IL1R1: variants seen among roughly 807,000 people sequenced by gnomAD.
IL1R1 encodes interleukin 1 receptor type 1.
IL1R1 carries 22 observed loss-of-function variants against 50.2 expected under a neutral mutation model. The observed-to-expected ratio is 0.44, with a 90% CI of 0.31 to 0.63. The LOEUF (loss-of-function observed/expected upper bound fraction) is 0.63, where lower values mean the gene tolerates loss of function less well. IL1R1 is among the 20% of genes least tolerant of loss of function. IL1R1 has a pLI of 0.07. For synonymous variants in IL1R1, 251 were observed against 236.7 expected, an observed-to-expected ratio of 1.06 and a Z score of -0.55; for missense variants, 509 against 676.2, an observed-to-expected ratio of 0.75 and a Z score of 2.74.
intron 1 of IL1R1, among the ~76,000 whole-genome samples, chr2:102,106,972 G>A (rs72817897): frequency 9.2e-5 from 14 of 152,082 alleles, no homozygotes; most frequent in Non-Finnish European, 1.0e-4. Context: ...TGATGCAAAG[G>A]TTATCTCAAC....
chr2:102,081,622 A>G (rs1426552389), intron 1 of IL1R1, among the ~76,000 whole-genome samples: 1 of 152,230 alleles, frequency 6.6e-6, no homozygotes, highest in Non-Finnish European at 1.5e-5. Flanking sequence ...GCTTCCTGAC[A>G]AAGAAAAGGG....
chr2:102,076,673 G>T (rs1019512714), intron 1 of IL1R1, among the ~76,000 whole-genome samples: 1 of 152,056 alleles, frequency 6.6e-6, no homozygotes, highest in Non-Finnish European at 1.5e-5. Context: ...TGAGAAATCT[G>T]CTGTCATTCT....
rs35407722 is a variant in IL1R1, at chr2:102,078,562, T to TCACACACA, written c.-84+8060_-84+8067dup. Reference sequence around the variant, plus strand: ...ACACTGAATTAGCAGTCAAAAAACTTCACACACACACACACACACACACAC... The same window carrying TCACACACA: ...ACACTGAATTAGCAGTCAAAAAACTTCACACACACACACACACACACACACACACACAC... On this transcript the variant is annotated intron_variant, in intron 1 of 11. Coordinates refer to the IL1R1 transcript ENST00000409929. Among the ~76,000 whole-genome samples the TCACACACA allele has an allele frequency of 8.6e-3, 894 of 104,074 alleles. 12 individuals carry two copies. Among genetic ancestry groups the TCACACACA allele is most frequent in the African/African-American group, 0.028 (834 of 29,600 alleles). 68.3% of individuals were successfully genotyped at this position (104,074 alleles called of 152,430 possible).
intron 1 of IL1R1, among the ~76,000 whole-genome samples, chr2:102,079,544 A>G (rs1392059477): frequency 6.6e-6 from 1 of 152,192 alleles, no homozygotes; most frequent in Non-Finnish European, 1.5e-5. Flanking sequence ...GAAAAGAAGT[A>G]TAAGACTTGT....
chr2:102,167,371 A>G (rs1382582606), intron 6 of IL1R1, among the ~76,000 whole-genome samples: 1 of 151,498 alleles, frequency 6.6e-6, no homozygotes, highest in Non-Finnish European at 1.5e-5. Context: ...TTCCTGAAAC[A>G]TAGTAACCTA....
At chr2:102,174,519 C>A in intron 9 of IL1R1, 68 bp from the exon 10 acceptor site, 2 of 1,200,600 alleles carry the variant, frequency 1.7e-6, no homozygotes, top group Non-Finnish European at 2.3e-6. Flanking sequence ...ATTTAATTTG[C>A]TGTGCTCAAA....
chr2:102,155,481 T>C (rs796280177), intron 2 of IL1R1, among the ~76,000 whole-genome samples: 14 of 152,302 alleles, frequency 9.2e-5, no homozygotes, highest in African/African-American at 2.6e-4. Flanking sequence ...GGGGTTTGTG[T>C]TGATTTTTGT....
At chr2:102,137,273 T>C (rs1304663358) in intron 1 of IL1R1, among the ~76,000 whole-genome samples, 1 of 152,192 alleles carries the variant, frequency 6.6e-6, no homozygotes, top group Non-Finnish European at 1.5e-5. Flanking sequence ...TGATCTATTA[T>C]TTTGCTAGAA....
intron 1 of IL1R1, among the ~76,000 whole-genome samples, chr2:102,095,646 CGTCAGT>C: frequency 6.6e-6 from 1 of 152,278 alleles, no homozygotes; most frequent in East Asian, 1.9e-4. Context: ...CTCTTCTGAA[CGTCAGT>C]GTTTCTGTAG....
At chr2:102,086,605 A>T (rs553264424) in intron 1 of IL1R1, among the ~76,000 whole-genome samples, 1 of 152,194 alleles carries the variant, frequency 6.6e-6, no homozygotes, top group East Asian at 1.9e-4. Context: ...ATTTTTCAAC[A>T]GACTTTTTTT....
rs528699053 is a variant in IL1R1 at position 102,082,618 on chromosome 2, CT to C, written c.-84+12087del. ...TTCTTGATTTTTCTTATTCAAACTG[CT>C]TCATCAAACAAAACAAAACAGAACA... On this transcript the variant is annotated intron_variant, in intron 1 of 11. Transcript: ENST00000409929. Among the ~76,000 whole-genome samples the C allele has an allele frequency of 3.1e-3, 452 of 147,460 alleles. 2 individuals carry two copies. Among genetic ancestry groups the C allele is most frequent in the African/African-American group, 9.2e-3 (376 of 40,792 alleles).
intron 8 of IL1R1, 86 bp from the exon 9 acceptor site, chr2:102,172,601 A>G (rs991905645): frequency 1.7e-6 from 2 of 1,208,954 alleles, no homozygotes; most frequent in African/African-American, 1.6e-5. Context: ...TTTGTCACAA[A>G]TAAGGAAATA....
intron 1 of IL1R1, among the ~76,000 whole-genome samples, chr2:102,109,079 G>C (rs1680596837): frequency 6.6e-6 from 1 of 151,986 alleles, no homozygotes; most frequent in South Asian, 2.1e-4. Flanking sequence ...ATTTTATTTT[G>C]CAGATTAAGA....
chr2:102,097,595 A>G (rs187960176), intron 1 of IL1R1, among the ~76,000 whole-genome samples: 1 of 152,298 alleles, frequency 6.6e-6, no homozygotes, highest in Admixed American at 6.5e-5. Context: ...TAAAGATAAG[A>G]GAATACCAAG....
chr2:102,119,212 A>G (rs953865873), intron 1 of IL1R1, among the ~76,000 whole-genome samples: 5 of 152,170 alleles, frequency 3.3e-5, no homozygotes, highest in Non-Finnish European at 5.9e-5. Context: ...TCTCTTCGAT[A>G]ATTCAAGCTA....
chr2:102,118,340 G>A (rs1681209865), intron 1 of IL1R1, among the ~76,000 whole-genome samples: 1 of 152,106 alleles, frequency 6.6e-6, no homozygotes, highest in Non-Finnish European at 1.5e-5. Context: ...CATACACCTC[G>A]CCCTGCATAT....
chr2:102,146,046 A>C (rs1683091686), intron 1 of IL1R1, among the ~76,000 whole-genome samples: 1 of 152,154 alleles, frequency 6.6e-6, no homozygotes, highest in Non-Finnish European at 1.5e-5. Flanking sequence ...AAAAGAGGTG[A>C]GAATAGTGAG....
rs187439311 is a variant in IL1R1 at position 102,105,532 on chromosome 2, C to T, written c.-84+660C>T. 7.2e-3 allele frequency among the ~76,000 whole-genome samples: 1,088 copies of T among 151,996 alleles called. 9 individuals are homozygous for T. Among genetic ancestry groups the T allele is most frequent in the African/African-American group, 0.024 (1,013 of 41,482 alleles). ...GGCGCCTGCCACCATGCCCTGCTAACTTTTTGTATTTTTAGTAGAGATGGG... is the reference window on the plus strand; with the variant it reads ...GGCGCCTGCCACCATGCCCTGCTAATTTTTTGTATTTTTAGTAGAGATGGG... On this transcript the variant is annotated intron_variant, in intron 1 of 10. Transcript: ENST00000409329.
At chr2:102,117,626 C>A (rs1681159327) in intron 1 of IL1R1, among the ~76,000 whole-genome samples, 1 of 152,172 alleles carries the variant, frequency 6.6e-6, no homozygotes, top group Non-Finnish European at 1.5e-5. Flanking sequence ...TCCAATGAAT[C>A]CCACCCATTC....
Sources: allele counts gnomAD v4.1 joint callset (sites outside exome capture counted in the v4.1 genomes callset), GRCh38; gene constraint gnomAD v4.1.1; transcripts MANE v1.5; gene names NCBI Gene and HGNC (gene_info 2026-07-23, HGNC 2026-07-21).